The following RAB38 variants were observed in gnomAD, a reference collection of about 807,000 sequenced individuals.
RAB38 encodes RAB38, member RAS oncogene family.
RAB38 carries 15 observed loss-of-function variants against 18.4 expected under a neutral mutation model. The observed-to-expected ratio is 0.82, with a 90% CI of 0.55 to 1.26. The LOEUF is 1.26. RAB38 is among the 50% of genes most tolerant of loss of function. The probability of loss-of-function intolerance (pLI) is 0.00; values close to 1 mark genes in which losing one functional copy is unlikely to be tolerated. For synonymous variants in RAB38, 101 were observed against 104.4 expected, an observed-to-expected ratio of 0.97 and a Z score of 0.20; for missense variants, 294 against 267.4, an observed-to-expected ratio of 1.10 and a Z score of -0.69.
At chr11:87,811,561 TA>T in the RAB38 span, among the ~76,000 whole-genome samples, 1 of 152,084 alleles carries the variant, frequency 6.6e-6, no homozygotes, top group East Asian at 1.9e-4. Flanking sequence ...CTATTTGGAA[TA>T]TTTACTCCTT....
the RAB38 span, among the ~76,000 whole-genome samples, chr11:88,015,712 A>C: frequency 6.6e-6 from 1 of 152,210 alleles, no homozygotes; most frequent in East Asian, 1.9e-4. Flanking sequence ...CAGTCATCCT[A>C]AAAGCTCCCT....
At chr11:87,908,517 T>C in the RAB38 span, among the ~76,000 whole-genome samples, 9 of 152,148 alleles carry the variant, frequency 5.9e-5, no homozygotes, top group African/African-American at 2.2e-4. Flanking sequence ...TTGTGGAAAC[T>C]ATGGAGGTCT....
At chr11:88,110,682 T>C (rs896962878), downstream of RAB38, among the ~76,000 whole-genome samples, 3 of 151,738 alleles carry the variant, frequency 2.0e-5, no homozygotes, top group Non-Finnish European at 4.4e-5. Context: ...CCGGGTGTGC[T>C]GGCGCATGCC....
chr11:87,904,127 G>C, the RAB38 span, among the ~76,000 whole-genome samples: 1 of 151,450 alleles, frequency 6.6e-6, no homozygotes, highest in Non-Finnish European at 1.5e-5. Context: ...TATTCAGGAG[G>C]TACACATGCC....
At chr11:87,890,228 AC>A in the RAB38 span, among the ~76,000 whole-genome samples, 1 of 152,050 alleles carries the variant, frequency 6.6e-6, no homozygotes, top group South Asian at 2.1e-4. Context: ...TGTGATCCAG[AC>A]TATTTATAAT....
the RAB38 span, among the ~76,000 whole-genome samples, chr11:88,093,494 A>G: frequency 6.6e-6 from 1 of 151,932 alleles, no homozygotes; most frequent in Admixed American, 6.6e-5. Context: ...TTTGAAAAAA[A>G]AAATTAATAT....
At chr11:87,836,242 A>C in the RAB38 span, among the ~76,000 whole-genome samples, 1 of 152,106 alleles carries the variant, frequency 6.6e-6, no homozygotes, top group Non-Finnish European at 1.5e-5. Flanking sequence ...GAAACACTCC[A>C]CTGAAAACTA....
At chr11:87,857,059 C>T in the RAB38 span, among the ~76,000 whole-genome samples, 18 of 151,978 alleles carry the variant, frequency 1.2e-4, no homozygotes, top group African/African-American at 1.4e-4. Context: ...TTCCCCTTCC[C>T]GTGTCCAAGT....
chr11:87,896,818 T>C, the RAB38 span, among the ~76,000 whole-genome samples: 3 of 151,568 alleles, frequency 2.0e-5, no homozygotes, highest in Non-Finnish European at 3.0e-5. Context: ...CAGGGCCTCA[T>C]ATGTGTGAAG....
the RAB38 span, among the ~76,000 whole-genome samples, chr11:88,103,363 T>G: frequency 6.6e-6 from 1 of 152,118 alleles, no homozygotes; most frequent in Non-Finnish European, 1.5e-5. Context: ...TAGAGTCTTC[T>G]GACTATGTTC....
chr11:88,135,079 C>G (rs542029849), intron 2 of RAB38, among the ~76,000 whole-genome samples: 3 of 152,216 alleles, frequency 2.0e-5, no homozygotes, highest in South Asian at 4.1e-4. Context: ...TAGTGCTCAT[C>G]TTTCAAATAT....
chr11:87,947,036 A>T, the RAB38 span, among the ~76,000 whole-genome samples: 1 of 151,906 alleles, frequency 6.6e-6, no homozygotes, highest in African/African-American at 2.4e-5. Context: ...ATTTCTCCAC[A>T]TCCTCTCCAG....
chr11:88,071,870 G>A, the RAB38 span, among the ~76,000 whole-genome samples: 1 of 152,128 alleles, frequency 6.6e-6, no homozygotes, highest in Non-Finnish European at 1.5e-5. Context: ...TGAAAGCTCT[G>A]GTGTATTGAG....
At chr11:88,021,304 A>G in the RAB38 span, among the ~76,000 whole-genome samples, 1 of 152,198 alleles carries the variant, frequency 6.6e-6, no homozygotes, top group Non-Finnish European at 1.5e-5. Flanking sequence ...GGCTGCTGTC[A>G]GCAACTATAT....
At chr11:87,819,722 A>G in the RAB38 span, among the ~76,000 whole-genome samples, 453 of 5,600 alleles carry the variant, frequency 0.081, 5 homozygotes, top group African/African-American at 0.21. Context: ...ATATACGTGT[A>G]TGTATATATA....
the RAB38 span, among the ~76,000 whole-genome samples, chr11:88,084,713 T>C: frequency 4.0e-5 from 6 of 151,852 alleles, no homozygotes; most frequent in African/African-American, 7.2e-5. Flanking sequence ...CCTTCTTTGA[T>C]AGTAGCATTA....
At chr11:87,958,670 C>A in the RAB38 span, among the ~76,000 whole-genome samples, 1 of 152,080 alleles carries the variant, frequency 6.6e-6, no homozygotes, top group Non-Finnish European at 1.5e-5. Context: ...TTGTCTTTTT[C>A]TAAAAGAGAA....
At chr11:88,093,933 C>A in the RAB38 span, among the ~76,000 whole-genome samples, 1 of 151,880 alleles carries the variant, frequency 6.6e-6, no homozygotes, top group Non-Finnish European at 1.5e-5. Context: ...GGGCTCCTTG[C>A]TAACTTATCT....
At chr11:87,922,289 C>T in the RAB38 span, among the ~76,000 whole-genome samples, 15 of 151,964 alleles carry the variant, frequency 9.9e-5, no homozygotes, top group Non-Finnish European at 1.3e-4. Context: ...CACCCTCTAA[C>T]GAGGAGAATT....
Sources: gnomAD v4.1 joint callset for allele counts (sites outside exome capture counted in the v4.1 genomes callset) on GRCh38, gnomAD v4.1.1 for gene constraint, MANE v1.5 for transcripts, NCBI Gene and HGNC (gene_info 2026-07-23, HGNC 2026-07-21) for gene names.